The following SNX16 variants were observed in gnomAD, a reference collection of about 807,000 sequenced individuals.
The protein encoded by SNX16 is sorting nexin-16.
Under a neutral mutation model 36.7 loss-of-function variants are expected in SNX16, and 35 were observed. The ratio of observed to expected loss-of-function variants is 0.95; its 90% CI spans 0.73 to 1.27. The LOEUF (loss-of-function observed/expected upper bound fraction) is 1.27, where lower values mean the gene tolerates loss of function less well. Ranked by LOEUF, SNX16 falls within the 50% of genes most tolerant of loss-of-function variation. The probability of loss-of-function intolerance (pLI) is 0.00; values close to 1 mark genes in which losing one functional copy is unlikely to be tolerated. For synonymous variants in SNX16, 134 were observed against 132.0 expected, an observed-to-expected ratio of 1.02 and a Z score of -0.10; for missense variants, 367 against 393.6, an observed-to-expected ratio of 0.93 and a Z score of 0.57.
chr8:81,828,246 T>C (rs1243146368), intron 3 of SNX16, among the ~76,000 whole-genome samples: 1 of 152,148 alleles, frequency 6.6e-6, no homozygotes, highest in African/African-American at 2.4e-5. Flanking sequence ...GAAATGTGAT[T>C]ATTATGTTAA....
At chr8:81,822,975 T>TATATATATATATATATATAC in intron 4 of SNX16, among the ~76,000 whole-genome samples, 1 of 146,024 alleles carries the variant, frequency 6.8e-6, no homozygotes, top group African/African-American at 2.5e-5. Flanking sequence ...TATATATATA[T>TATATATATATATATATATAC]ACACATATGT....
intron 5 of SNX16, among the ~76,000 whole-genome samples, chr8:81,811,723 A>T (rs1414169635): frequency 1.3e-5 from 2 of 152,142 alleles, no homozygotes; most frequent in Non-Finnish European, 1.5e-5. Context: ...AAGAGTTGCT[A>T]CAGTGTATCA....
chr8:81,801,604 A>AAG lies in SNX16; in HGVS notation c.939-12_939-11insCT. On this transcript the variant is annotated splice_polypyrimidine_tract_variant and intron_variant, in intron 7 of 7. Transcript: ENST00000345957. ...GGTTTATTATCAGCTCTGCAAAAAA[A>AAG]AAAAAAAAAGGAACATATCAATGAT... The AAG allele has an allele frequency of 6.6e-7, 1 of 1,525,710 alleles. No individual in the cohort carries two copies. The highest frequency in any genetic ancestry group is 8.9e-7 in the Non-Finnish European group (1 of 1,127,300). 94.5% of individuals were successfully genotyped at this position (1,525,710 alleles called of 1,614,324 possible). A position where few individuals can be genotyped will look rare whatever the true frequency, so the allele number is the denominator to read the frequency against.
chr8:81,836,483 A>T (rs1434830648), intron 2 of SNX16, among the ~76,000 whole-genome samples: 2 of 152,144 alleles, frequency 1.3e-5, no homozygotes, highest in African/African-American at 4.8e-5. Context: ...ACAAATTTTG[A>T]TCATCCCTCA....
At chr8:81,811,876 A>T (rs1279971068) in intron 5 of SNX16, among the ~76,000 whole-genome samples, 1 of 152,144 alleles carries the variant, frequency 6.6e-6, no homozygotes, top group Non-Finnish European at 1.5e-5. Context: ...GTGATTTTTA[A>T]TGCAACCATT....
At chr8:81,829,247 C>A (rs1261549021) in intron 3 of SNX16, among the ~76,000 whole-genome samples, 183 bp downstream of exon 3, 3 of 105,714 alleles carry the variant, frequency 2.8e-5, no homozygotes, top group Non-Finnish European at 6.5e-5. Flanking sequence ...TTTCTGTTGG[C>A]AATTTTAAAG....
Position 81,803,202 on chromosome 8 carries a change from T to C in SNX16, c.708A>G (p.Thr236=). The C allele has an allele frequency of 6.2e-7, 1 of 1,609,488 alleles. No individual in the cohort carries two copies. Among genetic ancestry groups the C allele is most frequent in the Non-Finnish European group, 8.5e-7 (1 of 1,178,216 alleles). Residue 236 remains threonine, a synonymous_variant, in exon 6 of 8, where the codon ACA becomes ACG. Transcript: ENST00000345957. ...SRAFCETLEE[T]NYRLQKELLE... ...GTAGTTCTTTCTGTAAGCGGTAGTT[T>C]GTCTCTTCTAAAGTTTCACAGAATG...
chr8:81,812,683 A>G (rs1266943543), intron 5 of SNX16, among the ~76,000 whole-genome samples: 1 of 152,128 alleles, frequency 6.6e-6, no homozygotes, highest in Admixed American at 6.5e-5. Context: ...AGATGATCAC[A>G]TCAACCTCCA....
chr8:81,809,743 T>TA (rs750829733), intron 5 of SNX16, among the ~76,000 whole-genome samples: 12 of 152,216 alleles, frequency 7.9e-5, no homozygotes, highest in Non-Finnish European at 1.5e-4. Context: ...TACAAACTGA[T>TA]ATAACAAATT....
At chr8:81,816,779 G>A (rs1810516497) in intron 4 of SNX16, among the ~76,000 whole-genome samples, 1 of 152,108 alleles carries the variant, frequency 6.6e-6, no homozygotes, top group Admixed American at 6.5e-5. Context: ...GAAAGTGCAG[G>A]TGGTAGAGCT....
At position 81,810,949 on chromosome 8, in the gene SNX16, C is replaced by T. The variant is rs74713427; in HGVS notation, c.681+4376G>A. ...AAGTTATGATACTTGACAATACTAACTAGCATATATTTTGAACTAAGAACA... is the reference window on the plus strand; with the variant it reads ...AAGTTATGATACTTGACAATACTAATTAGCATATATTTTGAACTAAGAACA... On this transcript the variant is annotated intron_variant, in intron 5 of 7. Transcript: ENST00000345957. 7.3e-3 allele frequency among the ~76,000 whole-genome samples: 1,111 copies of T among 152,230 alleles called. 14 individuals are homozygous for T. Among genetic ancestry groups the T allele is most frequent in the African/African-American group, 0.025 (1,057 of 41,548 alleles).
At chr8:81,811,510 G>A (rs1810249226) in intron 5 of SNX16, among the ~76,000 whole-genome samples, 1 of 152,044 alleles carries the variant, frequency 6.6e-6, no homozygotes, top group Non-Finnish European at 1.5e-5. Context: ...CAAAATTTAT[G>A]ACCAACTGTT....
At chr8:81,825,510 T>C (rs1463259) in intron 3 of SNX16, among the ~76,000 whole-genome samples, 118,079 of 152,068 alleles carry the variant, frequency 0.78, 46,669 homozygotes, top group African/African-American at 0.9. Context: ...AGCTTTCCAG[T>C]GGAATCCAAA....
chr8:81,817,791 C>A (rs1052350792), intron 4 of SNX16, among the ~76,000 whole-genome samples: 16 of 152,052 alleles, frequency 1.1e-4, no homozygotes, highest in African/African-American at 3.9e-4. Context: ...CATTTTTCCC[C>A]CTAGGAAAGG....
chr8:81,829,645 C>A, intron 2 of SNX16, 129 bp from the exon 3 acceptor site: 1 of 381,166 alleles, frequency 2.6e-6, no homozygotes, highest in South Asian at 9.3e-5. Flanking sequence ...TAAAAAATAT[C>A]AAAAATCATT....
Position 81,841,166 on chromosome 8 carries a change from C to A in SNX16, c.-97+956G>T, listed in dbSNP as rs886867904. 2.6e-5 allele frequency among the ~76,000 whole-genome samples: 4 copies of A among 152,086 alleles called. No individual in the cohort carries two copies. In the South Asian group the frequency reaches 8.3e-4, roughly 32 times the overall value. The stretch of plus-strand genomic sequence containing the variant: ...GGCTAGCCTGGCCAACATGGTGAAA[C>A]CCCGTCTCTACTAAAAATACAAAAA... On this transcript the variant is annotated intron_variant, in intron 1 of 7. Transcript: ENST00000345957.
chr8:81,830,970 C>T (rs1811242168), intron 2 of SNX16, among the ~76,000 whole-genome samples: 1 of 152,176 alleles, frequency 6.6e-6, no homozygotes, highest in African/African-American at 2.4e-5. Flanking sequence ...TGCACACCTA[C>T]AGCCATCTGT....
At chr8:81,814,221 G>T (rs548490056) in intron 5 of SNX16, among the ~76,000 whole-genome samples, 1 of 151,882 alleles carries the variant, frequency 6.6e-6, no homozygotes, top group African/African-American at 2.4e-5. Context: ...TGCAAACAAT[G>T]AAAAACCATT....
intron 3 of SNX16, among the ~76,000 whole-genome samples, chr8:81,828,091 T>C (rs546877613): frequency 6.6e-6 from 1 of 152,272 alleles, no homozygotes; most frequent in African/African-American, 2.4e-5. Flanking sequence ...TCTTCACTTT[T>C]AGAAATTTAG....
Sources: gnomAD v4.1 joint callset for allele counts (sites outside exome capture counted in the v4.1 genomes callset) on GRCh38, gnomAD v4.1.1 for gene constraint, MANE v1.5 for transcripts, NCBI Gene and HGNC (gene_info 2026-07-23, HGNC 2026-07-21) for gene names.